The following OR56A3 variants were observed in gnomAD, a reference collection of about 807,000 sequenced individuals.
The protein encoded by OR56A3 is olfactory receptor 56A3.
OR56A3 carries 23 observed loss-of-function variants against 17.5 expected under a neutral mutation model. The ratio of observed to expected loss-of-function variants is 1.32; its 90% confidence interval spans 0.95 to 1.87. The LOEUF is 1.87. Among genes scored for constraint, OR56A3 ranks in the 40% most tolerant of loss-of-function variants. OR56A3 has a pLI of 0.00. For synonymous variants in OR56A3, 175 were observed against 150.6 expected (o/e 1.16, Z -1.19); for missense variants, 366 against 380.1 (o/e 0.96, Z 0.31).
the OR56A3 span, among the ~76,000 whole-genome samples, chr11:6,016,029 A>C: frequency 1.3e-5 from 2 of 152,126 alleles, no homozygotes; most frequent in South Asian, 4.1e-4. Flanking sequence ...GTCGAATTGT[A>C]ATCTCCAATG....
At chr11:5,960,103 G>GCCTT in the OR56A3 span, among the ~76,000 whole-genome samples, 1 of 152,108 alleles carries the variant, frequency 6.6e-6, no homozygotes, top group Non-Finnish European at 1.5e-5. Context: ...GAAGTGTGAT[G>GCCTT]CCTTCATTTT....
chr11:5,971,401 C>T, the OR56A3 span, among the ~76,000 whole-genome samples: 3 of 152,236 alleles, frequency 2.0e-5, no homozygotes, highest in Admixed American at 6.5e-5. Context: ...GTGCTTTTTC[C>T]TGCCTCTTAT....
chr11:5,998,019 C>T, the OR56A3 span, among the ~76,000 whole-genome samples: 2 of 152,046 alleles, frequency 1.3e-5, no homozygotes, highest in African/African-American at 2.4e-5. Context: ...GAAAGCCTCT[C>T]GGTACCAGCA....
the OR56A3 span, among the ~76,000 whole-genome samples, chr11:5,972,511 C>T: frequency 6.6e-6 from 1 of 152,104 alleles, no homozygotes; most frequent in African/African-American, 2.4e-5. Flanking sequence ...AATCTACTGC[C>T]TGCATCCAGT....
the OR56A3 span, among the ~76,000 whole-genome samples, chr11:5,974,545 C>T: frequency 6.6e-6 from 1 of 152,182 alleles, no homozygotes; most frequent in African/African-American, 2.4e-5. Flanking sequence ...CGGTTATTCA[C>T]ATATTGATGA....
At chr11:6,017,414 A>C in the OR56A3 span, among the ~76,000 whole-genome samples, 1 of 152,226 alleles carries the variant, frequency 6.6e-6, no homozygotes, top group Non-Finnish European at 1.5e-5. Flanking sequence ...TAAAAATAGC[A>C]AGAGAAAAGC....
rs556364823 is a variant in OR56A3, at chr11:5,949,233, G to T, written c.*939G>T. ...AAACAAAAATAAAAAGAATATTGTT[G>T]TTGATTTGAGGACCTCAAAGTTTGG... On this transcript the variant is annotated 3_prime_UTR_variant, in exon 3 of 3. Transcript: ENST00000641160. 7 of 152,168 alleles carry T rather than the reference G, an allele frequency of 4.6e-5. No individual in the cohort carries two copies. The highest frequency in any genetic ancestry group is 1.0e-4 in the Non-Finnish European group (7 of 68,022). 9.4% of individuals were successfully genotyped at this position (152,168 alleles called of 1,614,324 possible).
the OR56A3 span, among the ~76,000 whole-genome samples, chr11:6,011,383 C>T: frequency 0.68 from 102,405 of 151,106 alleles, 34,977 homozygotes; most frequent in East Asian, 0.93. Context: ...TGTTCTTAAA[C>T]AATAAATTTT....
the OR56A3 span, among the ~76,000 whole-genome samples, chr11:5,963,005 T>C: frequency 6.6e-6 from 1 of 152,270 alleles, no homozygotes; most frequent in Non-Finnish European, 1.5e-5. Context: ...GAATCATTTC[T>C]CATGATACTT....
the OR56A3 span, among the ~76,000 whole-genome samples, chr11:5,996,234 A>ATG: frequency 6.6e-6 from 1 of 152,196 alleles, no homozygotes; most frequent in Non-Finnish European, 1.5e-5. Context: ...GTGTATATAT[A>ATG]TGTGTGTGTA....
At position 5,948,508 on chromosome 11, in the gene OR56A3, A is replaced by T; in HGVS notation, c.*214A>T. ...TCTTGGCCCTCTCTCGTTTTATTCC[A>T]TGCTTATAATCATATTTTGTCCAAA... On this transcript the variant is annotated 3_prime_UTR_variant, in exon 3 of 3. Coordinates refer to ENST00000641160, the MANE Select transcript of OR56A3 (RefSeq NM_001003443.3). The T allele has an allele frequency of 1.9e-6, 1 of 518,398 alleles. No homozygotes were observed. The highest frequency in any genetic ancestry group is 3.0e-5 in the East Asian group (1 of 33,314). 32.1% of individuals were successfully genotyped at this position (518,398 alleles called of 1,614,324 possible).
At chr11:5,957,548 A>G in the OR56A3 span, among the ~76,000 whole-genome samples, 157 of 152,346 alleles carry the variant, frequency 1.0e-3, no homozygotes, top group African/African-American at 3.2e-3. Flanking sequence ...GAGAAAGCAC[A>G]TCATTGGAGA....
the OR56A3 span, among the ~76,000 whole-genome samples, chr11:5,971,805 A>T: frequency 1.3e-3 from 198 of 152,320 alleles, no homozygotes; most frequent in African/African-American, 3.6e-3. Context: ...AATTCAATGC[A>T]CCTTGATTTA....
chr11:5,986,433 C>T, the OR56A3 span: 53 of 1,613,862 alleles, frequency 3.3e-5, no homozygotes, highest in Non-Finnish European at 4.2e-5. Flanking sequence ...CCCTCACCAG[C>T]ACCACCATTC....
chr11:6,004,533 G>T, the OR56A3 span, among the ~76,000 whole-genome samples: 1 of 152,084 alleles, frequency 6.6e-6, no homozygotes, highest in South Asian at 2.1e-4. Flanking sequence ...TTTAATCCAA[G>T]AATTTTCACC....
chr11:5,945,542 A>G (rs1463425523), intron 2 of OR56A3, among the ~76,000 whole-genome samples: 3 of 146,546 alleles, frequency 2.0e-5, no homozygotes, highest in Non-Finnish European at 4.5e-5. Flanking sequence ...AGATCACGCC[A>G]TTGCACTCCA....
At chr11:5,943,660 C>T (rs957675288) in intron 1 of OR56A3, among the ~76,000 whole-genome samples, 1 of 152,008 alleles carries the variant, frequency 6.6e-6, no homozygotes, top group African/African-American at 2.4e-5. Flanking sequence ...ATGTACAAAA[C>T]TTAGTAGCAT....
chr11:5,975,677 T>C, the OR56A3 span, among the ~76,000 whole-genome samples: 1 of 152,052 alleles, frequency 6.6e-6, no homozygotes, highest in Admixed American at 6.5e-5. Flanking sequence ...TACGTGTGCA[T>C]GTGTCTTTAT....
Position 5,947,862 on chromosome 11 carries a change from T to C in OR56A3, c.516T>C (p.Tyr172=). ...CCATCCTTTCAGCACAACTCCGTTA[T>C]TGTGGAAGAAATGTCATTGAGAACT... The part of the protein sequence containing the change: ...PIPILSAQLR[Y]CGRNVIENCI... The change falls in exon 3 of 3, where the codon TAT becomes TAC. Residue 172 remains tyrosine (Y), a synonymous_variant. Coordinates refer to ENST00000641160, the MANE Select transcript of OR56A3 (RefSeq NM_001003443.3). The C allele has an allele frequency of 6.2e-7, 1 of 1,614,232 alleles. No homozygotes were observed. The highest frequency in any genetic ancestry group is 8.5e-7 in the Non-Finnish European group (1 of 1,180,036).
Sources: gnomAD v4.1 joint callset for allele counts (sites outside exome capture counted in the v4.1 genomes callset) on GRCh38, gnomAD v4.1.1 for gene constraint, MANE v1.5 for transcripts, NCBI Gene and HGNC (gene_info 2026-07-23, HGNC 2026-07-21) for gene names.